The following ADAMTS17 variants were observed in gnomAD, a reference collection of about 807,000 sequenced individuals.
ADAMTS17 encodes A disintegrin and metalloproteinase with thrombospondin motifs 17.
In ADAMTS17, 113 loss-of-function variants were observed where a neutral mutation model predicts 141.5. That is an observed-to-expected ratio of 0.80 (90% CI 0.69 to 0.93). ADAMTS17 has a LOEUF of 0.93. ADAMTS17 is among the 40% of genes least tolerant of loss of function. ADAMTS17 has a pLI of 0.00. For missense variants in ADAMTS17, 1,659 were observed against 1,517.9 expected, an observed-to-expected ratio of 1.09 and a Z score of -1.54; for synonymous variants, 768 against 630.6, an observed-to-expected ratio of 1.22 and a Z score of -3.27.
At position 100,167,733 on chromosome 15, in the gene ADAMTS17, C is replaced by A. The variant is rs149507555; in HGVS notation, c.1182-12413G>T. ...TCATCTGCTACAAAAGCGCGTATGG[C>A]GAAATTCAATGCGGCAGAGCAAGGG... is the stretch of plus-strand genomic sequence containing the variant. On this transcript the variant is annotated intron_variant, in intron 8 of 21. Transcript: ENST00000268070. 1.9e-3 allele frequency among the ~76,000 whole-genome samples: 294 copies of A among 152,262 alleles called. 2 individuals are homozygous for A. Among genetic ancestry groups the A allele is most frequent in the African/African-American group, 6.7e-3 (279 of 41,536 alleles).
At position 100,162,872 on chromosome 15, in the gene ADAMTS17, CTA is replaced by C. The variant is rs200806459; in HGVS notation, c.1182-7554_1182-7553del. 5.0e-4 allele frequency among the ~76,000 whole-genome samples: 69 copies of C among 138,450 alleles called. 5 individuals are homozygous for C. The East Asian group carries it at 0.017, about 35-fold the overall frequency. 90.8% of individuals were successfully genotyped at this position (138,450 alleles called of 152,430 possible). A position where few individuals can be genotyped will look rare whatever the true frequency, so the allele number is the denominator to read the frequency against. On this transcript the variant is annotated intron_variant, in intron 8 of 21. Coordinates refer to ENST00000268070, the MANE Select transcript of ADAMTS17 (RefSeq NM_139057.4). The stretch of plus-strand genomic sequence containing the variant: ...GTTATATATCTGTGTATATATATAA[CTA>C]TATGTATATATATGTGTATATAGAA...
intron 15 of ADAMTS17, among the ~76,000 whole-genome samples, chr15:100,078,717 A>C (rs1170865191): frequency 6.6e-6 from 1 of 152,244 alleles, no homozygotes; most frequent in Non-Finnish European, 1.5e-5. Flanking sequence ...AAATAGTTTA[A>C]CTGGATTGCA....
intron 18 of ADAMTS17, among the ~76,000 whole-genome samples, chr15:100,018,355 C>G: frequency 6.6e-6 from 1 of 152,196 alleles, no homozygotes; most frequent in East Asian, 1.9e-4. Context: ...ATATAAATAT[C>G]TCCCGATATG....
intron 8 of ADAMTS17, among the ~76,000 whole-genome samples, chr15:100,165,404 C>T (rs1803643894): frequency 6.6e-6 from 1 of 152,196 alleles, no homozygotes; most frequent in Non-Finnish European, 1.5e-5. Context: ...CCAATGCCTC[C>T]TGGGCATGCC....
In ADAMTS17 at chr15:100,197,474, T is replaced by TC. The variant is rs553313416; in HGVS notation, c.1181+1843dup. Among the ~76,000 whole-genome samples, 436 of 152,240 alleles carry TC rather than the reference T, an allele frequency of 2.9e-3. 4 individuals carry two copies. The highest frequency in any genetic ancestry group is 9.8e-3 in the African/African-American group (408 of 41,522). ...AACCCATTCTGATTTATGCTTTTTT[T>TC]CCCCAGCAAATCACTCTTGGATACA... On this transcript the variant is annotated intron_variant, in intron 8 of 21. Coordinates refer to ENST00000268070, the MANE Select transcript of ADAMTS17 (RefSeq NM_139057.4).
At chr15:100,262,147 C>T (rs1418107220) in intron 5 of ADAMTS17, among the ~76,000 whole-genome samples, 1 of 152,152 alleles carries the variant, frequency 6.6e-6, no homozygotes, top group East Asian at 1.9e-4. Context: ...GGGCTCACTG[C>T]TTAGGGTTCC....
rs146952161 is a variant in ADAMTS17 at position 100,214,901 on chromosome 15, C to T, written c.1076-15478G>A. 1.5e-3 allele frequency among the ~76,000 whole-genome samples: 221 copies of T among 152,350 alleles called. 1 individual carries two copies. The highest frequency in any genetic ancestry group is 5.1e-3 in the African/African-American group (212 of 41,578). On this transcript the variant is annotated intron_variant, in intron 7 of 21. Transcript: ENST00000268070. ...AGTAAAGCTTTGCTGTTGCACTGTC[C>T]CGTGACAAGTTCATTACTGCCCTGC...
intron 21 of ADAMTS17, 77 bp from the exon 22 acceptor site, chr15:99,974,639 G>A (rs191440300): frequency 1.6e-5 from 26 of 1,585,166 alleles, no homozygotes; most frequent in Middle Eastern, 1.7e-4. Flanking sequence ...GGGAGGGCTT[G>A]TGGTCTGACC....
At chr15:100,221,059 C>G (rs950904924) in intron 7 of ADAMTS17, among the ~76,000 whole-genome samples, 3 of 152,148 alleles carry the variant, frequency 2.0e-5, no homozygotes, top group African/African-American at 7.2e-5. Flanking sequence ...TACAATAACT[C>G]TATGTTTAAT....
chr15:100,035,693 C>T (rs193209191), intron 18 of ADAMTS17, among the ~76,000 whole-genome samples: 15 of 152,168 alleles, frequency 9.9e-5, no homozygotes, highest in African/African-American at 3.4e-4. Flanking sequence ...TCCAGAGGGA[C>T]CCCCAGAGAC....
chr15:100,289,878 G>A (rs560802014), intron 3 of ADAMTS17, among the ~76,000 whole-genome samples: 1 of 152,102 alleles, frequency 6.6e-6, no homozygotes, highest in Non-Finnish European at 1.5e-5. Flanking sequence ...AAAATAGTAA[G>A]AGCCATCTAT....
At chr15:100,306,233 G>T in intron 3 of ADAMTS17, 1 of 333,096 alleles carries the variant, frequency 3.0e-6, no homozygotes, top group Non-Finnish European at 6.0e-6. Context: ...GAGCGGTGGG[G>T]TCTATCTCTC....
intron 7 of ADAMTS17, among the ~76,000 whole-genome samples, chr15:100,221,923 C>G (rs1048457898): frequency 6.6e-6 from 1 of 152,204 alleles, no homozygotes; most frequent in South Asian, 2.1e-4. Context: ...CGGAGGCCGC[C>G]TGGGGTCTCT....
Position 100,053,967 on chromosome 15 carries a change from C to T in ADAMTS17, c.2225G>A (p.Arg742His), listed in dbSNP as rs997964661. The change falls in exon 16 of 22, where the codon CGC (arginine) becomes CAC (histidine). Residue 742 changes from arginine (R) to histidine (H), a missense_variant. By Grantham distance (29) the Arg-to-His change is conservative (BLOSUM62 0). Transcript: ENST00000268070. ...GEFQIAGTTV[R>H]YVRRGLWEKI... is the part of the protein sequence containing the mutation. ...CTCCCACAGCCCCCTTCTCACATAG[C>T]GAACAGTTGTGCCTGCAATCTGGAA... is the stretch of plus-strand genomic sequence containing the variant. 76 of 1,614,034 alleles carry T rather than the reference C, an allele frequency of 4.7e-5. No individual in the cohort carries two copies. Among genetic ancestry groups the T allele is most frequent in the African/African-American group, 1.3e-4 (10 of 74,904 alleles).
intron 13 of ADAMTS17, among the ~76,000 whole-genome samples, chr15:100,111,318 G>A (rs1008225215): frequency 1.3e-5 from 2 of 152,246 alleles, no homozygotes; most frequent in Non-Finnish European, 2.9e-5. Flanking sequence ...AGGGCTGGGT[G>A]CAGCCTGGAA....
rs575475310 is a variant in ADAMTS17, at chr15:100,339,271, T to A, written c.450+1768A>T. ...GCCCTCATTCTGCAAGGATTTTAAA[T>A]CAATGTTATCCAGCTTTCCACCTCG... On this transcript the variant is annotated intron_variant, in intron 2 of 21. Transcript: ENST00000268070. 63 of 655,786 alleles carry A rather than the reference T, an allele frequency of 9.6e-5. No homozygotes were observed. The African/African-American group carries it at 1.2e-3, about 12-fold the overall frequency. The allele number at this position is 655,786 out of a possible 1,614,324, so 40.6% of individuals were successfully genotyped here.
chr15:100,317,620 G>A (rs1401886276), intron 3 of ADAMTS17, among the ~76,000 whole-genome samples: 1 of 152,198 alleles, frequency 6.6e-6, no homozygotes, highest in Non-Finnish European at 1.5e-5. Context: ...CGAGGTGTGT[G>A]GCCCCAGGGA....
At chr15:100,033,188 A>C (rs2030353354) in intron 18 of ADAMTS17, among the ~76,000 whole-genome samples, 1 of 152,126 alleles carries the variant, frequency 6.6e-6, no homozygotes, top group East Asian at 1.9e-4. Flanking sequence ...AAGCCATCAC[A>C]CCTGATCAAA....
At chr15:100,145,067 C>T (rs1336123306) in intron 10 of ADAMTS17, among the ~76,000 whole-genome samples, 1 of 152,170 alleles carries the variant, frequency 6.6e-6, no homozygotes, top group Non-Finnish European at 1.5e-5. Context: ...CATATTTCAT[C>T]ATTTTTTGTC....
Sources: gnomAD v4.1 joint callset for allele counts (sites outside exome capture counted in the v4.1 genomes callset) on GRCh38, gnomAD v4.1.1 for gene constraint, MANE v1.5 for transcripts, NCBI Gene and HGNC (gene_info 2026-07-23, HGNC 2026-07-21) for gene names.